The following KCNMB2 variants were observed in gnomAD, a reference collection of about 807,000 sequenced individuals.
KCNMB2 encodes the protein potassium calcium-activated channel subfamily M regulatory beta subunit 2.
In KCNMB2, 9 loss-of-function variants were observed where a neutral mutation model predicts 24.5. The observed-to-expected ratio is 0.37, with a 90% CI of 0.22 to 0.64. The LOEUF is 0.64. Ranked by LOEUF, KCNMB2 falls within the 30% of genes least tolerant of loss-of-function variation. The pLI is 0.63. For synonymous variants in KCNMB2, 109 were observed against 104.4 expected (o/e 1.04, Z -0.27); for missense variants, 226 against 284.3 (o/e 0.79, Z 1.47).
chr3:178,578,508 G>A (rs1413906152), intron 1 of KCNMB2, among the ~76,000 whole-genome samples: 1 of 152,132 alleles, frequency 6.6e-6, no homozygotes, highest in African/African-American at 2.4e-5. Context: ...ATAATGACAG[G>A]ATCAAATTCA....
intron 1 of KCNMB2, among the ~76,000 whole-genome samples, chr3:178,633,174 G>A (rs1447667433): frequency 1.3e-5 from 2 of 152,164 alleles, no homozygotes; most frequent in African/African-American, 4.8e-5. Context: ...TTTTCCAGGT[G>A]CACAGTGTAA....
intron 1 of KCNMB2, among the ~76,000 whole-genome samples, chr3:178,686,034 TTG>T (rs201047270): frequency 1.1e-4 from 17 of 151,470 alleles, no homozygotes; most frequent in Non-Finnish European, 1.5e-4. Context: ...ACTGATTTTA[TTG>T]TGTGTGTGTG....
intron 1 of KCNMB2, among the ~76,000 whole-genome samples, chr3:178,652,719 A>G (rs1720174143): frequency 6.7e-6 from 1 of 149,060 alleles, no homozygotes; most frequent in Non-Finnish European, 1.5e-5. Flanking sequence ...CTGGAGTGCA[A>G]TGGTGCAATC....
intron 1 of KCNMB2, among the ~76,000 whole-genome samples, chr3:178,719,417 C>T (rs1722722810): frequency 6.6e-6 from 1 of 152,240 alleles, no homozygotes; most frequent in Admixed American, 6.5e-5. Context: ...GGCTTTATAA[C>T]TCATAGGTAA....
intron 1 of KCNMB2, among the ~76,000 whole-genome samples, chr3:178,577,147 G>C (rs1560116084): frequency 6.6e-6 from 1 of 152,102 alleles, no homozygotes; most frequent in African/African-American, 2.4e-5. Context: ...TGCCTCTCTG[G>C]GACAAAGCTT....
At chr3:178,603,297 T>C (rs1253381125) in intron 1 of KCNMB2, among the ~76,000 whole-genome samples, 1 of 152,174 alleles carries the variant, frequency 6.6e-6, no homozygotes, top group African/African-American at 2.4e-5. Flanking sequence ...TAAATATATG[T>C]TATTAAGGAG....
intron 1 of KCNMB2, among the ~76,000 whole-genome samples, chr3:178,749,563 T>C (rs1723775372): frequency 6.6e-6 from 1 of 152,250 alleles, no homozygotes; most frequent in Non-Finnish European, 1.5e-5. Flanking sequence ...TACTGTTCTG[T>C]GCCATCTGCT....
intron 1 of KCNMB2, among the ~76,000 whole-genome samples, chr3:178,761,157 A>G (rs1022898394): frequency 6.6e-6 from 1 of 152,168 alleles, no homozygotes; most frequent in Non-Finnish European, 1.5e-5. Context: ...CTTTAACTTC[A>G]TTTAAAGAAA....
intron 1 of KCNMB2, among the ~76,000 whole-genome samples, chr3:178,644,442 C>T (rs1719841173): frequency 6.6e-6 from 1 of 152,170 alleles, no homozygotes; most frequent in Non-Finnish European, 1.5e-5. Context: ...CCAGACACAA[C>T]TATATAAGAA....
chr3:178,647,610 T>C (rs1719962985), intron 1 of KCNMB2, among the ~76,000 whole-genome samples: 1 of 152,356 alleles, frequency 6.6e-6, no homozygotes, highest in Non-Finnish European at 1.5e-5. Context: ...GTTGATTAAA[T>C]GAGAATACAT....
intron 1 of KCNMB2, among the ~76,000 whole-genome samples, chr3:178,569,393 G>A (rs187301544): frequency 5.6e-4 from 86 of 152,258 alleles, no homozygotes; most frequent in Middle Eastern, 6.8e-3. Flanking sequence ...GTAGAGGGGC[G>A]CACTACCCTT....
At chr3:178,626,595 G>A (rs1166958229) in intron 1 of KCNMB2, among the ~76,000 whole-genome samples, 1 of 152,024 alleles carries the variant, frequency 6.6e-6, no homozygotes, top group African/African-American at 2.4e-5. Context: ...GGAGAGAAAG[G>A]GTATGCAGTG....
chr3:178,815,509 C>T (rs990117617), intron 2 of KCNMB2, among the ~76,000 whole-genome samples: 2 of 152,004 alleles, frequency 1.3e-5, no homozygotes, highest in African/African-American at 4.8e-5. Context: ...TTTATTTCTT[C>T]TTTACAGTAA....
At chr3:178,583,567 A>C (rs1717294088) in intron 1 of KCNMB2, among the ~76,000 whole-genome samples, 1 of 152,180 alleles carries the variant, frequency 6.6e-6, no homozygotes, top group Non-Finnish European at 1.5e-5. Flanking sequence ...CATTGACTGG[A>C]TCTTTTACAA....
chr3:178,776,953 G>T (rs1481950519), intron 1 of KCNMB2, among the ~76,000 whole-genome samples: 2 of 152,210 alleles, frequency 1.3e-5, no homozygotes, highest in East Asian at 1.9e-4. Context: ...TCTTATGGGG[G>T]TTTCCGGCAA....
At chr3:178,738,430 G>C (rs1167398602) in intron 1 of KCNMB2, among the ~76,000 whole-genome samples, 1 of 152,144 alleles carries the variant, frequency 6.6e-6, no homozygotes, top group Non-Finnish European at 1.5e-5. Flanking sequence ...ACTCCACACT[G>C]TTTTCAGAAT....
intron 1 of KCNMB2, among the ~76,000 whole-genome samples, chr3:178,607,429 CCT>C (rs1718312716): frequency 6.6e-6 from 1 of 152,100 alleles, no homozygotes; most frequent in African/African-American, 2.4e-5. Context: ...CCTCTTCAAA[CCT>C]CTGATTACAA....
In KCNMB2 at chr3:178,615,191, C is replaced by T. The variant is rs74782161; in HGVS notation, c.-68+78480C>T. 6.9e-3 allele frequency among the ~76,000 whole-genome samples: 1,058 copies of T among 152,296 alleles called. 11 individuals are homozygous for T. The highest frequency in any genetic ancestry group is 0.023 in the African/African-American group (972 of 41,566). On this transcript the variant is annotated intron_variant, in intron 1 of 4. Coordinates refer to ENST00000452583, the MANE Select transcript of KCNMB2 (RefSeq NM_181361.3). ...GAGTGACACACACACCCCTGTGGGC[C>T]AGCACTACAATGACTGCACTGGATC...
At position 178,551,766 on chromosome 3, in the gene KCNMB2, C is replaced by T. The variant is rs146804371; in HGVS notation, c.-68+15055C>T. ...TTCAGAAGAGTCCTAAAATCCCTAT[C>T]GTGCACTTGAGAAATCTCTCGCTCA... is the stretch of plus-strand genomic sequence containing the variant. On this transcript the variant is annotated intron_variant, in intron 1 of 4. Transcript: ENST00000452583. Among the ~76,000 whole-genome samples, 499 of 152,320 alleles carry T rather than the reference C, an allele frequency of 3.3e-3. 4 individuals are homozygous for T. The highest frequency in any genetic ancestry group is 3.3e-3 in the Non-Finnish European group (227 of 68,036).
Sources: gnomAD v4.1 joint callset for allele counts (sites outside exome capture counted in the v4.1 genomes callset) on GRCh38, gnomAD v4.1.1 for gene constraint, MANE v1.5 for transcripts, NCBI Gene and HGNC (gene_info 2026-07-23, HGNC 2026-07-21) for gene names.